ZZEF1: variants seen among roughly 807,000 people sequenced by gnomAD.
The protein encoded by ZZEF1 is zinc finger ZZ-type and EF-hand domain-containing protein 1.
In ZZEF1, 157 loss-of-function variants were observed where a neutral mutation model predicts 342.8. The observed-to-expected ratio is 0.46, with a 90% CI of 0.40 to 0.52. ZZEF1 has a LOEUF of 0.52. ZZEF1 is among the 20% of genes least tolerant of loss of function. ZZEF1 has a pLI of 0.00. For missense variants in ZZEF1, 3,480 were observed against 3,725.6 expected (o/e 0.93, Z 1.72); for synonymous variants, 1,505 against 1,429.1 (o/e 1.05, Z -1.20).
rs971649931 is a variant in ZZEF1 at position 4,017,579 on chromosome 17, T to C, written c.7793A>G (p.Lys2598Arg). ...AALLHKELNC[K>R]SKRAVRDYLF... ...GTAGTCCCGGACAGCCCTCTTACTC[T>C]TGCAGTTCAGCTCCTTGTGCAGGAG... The change falls in exon 48 of 55, where the codon AAG becomes AGG. Residue 2598 changes from lysine to arginine, a missense_variant. Physicochemically the swap from Lys to Arg is conservative, Grantham distance 26 (BLOSUM62 2). Coordinates refer to ENST00000381638, the MANE Select transcript of ZZEF1 (RefSeq NM_015113.4). The surrounding 1 kb of genome is among the most constrained non-coding windows in gnomAD (Gnocchi z 5.1). 30 of 1,614,122 alleles carry C rather than the reference T, an allele frequency of 1.9e-5. No homozygotes were observed. The highest frequency in any genetic ancestry group is 1.6e-4 in the Middle Eastern group (1 of 6,084).
intron 42 of ZZEF1, among the ~76,000 whole-genome samples, chr17:4,026,512 C>CT (rs950402170): frequency 6.8e-5 from 10 of 147,628 alleles, no homozygotes; most frequent in South Asian, 2.2e-4. Flanking sequence ...AGACAAACAT[C>CT]TTTTTTTTTT....
chr17:4,022,134 T>C (rs139149191), intron 44 of ZZEF1, among the ~76,000 whole-genome samples: 2 of 152,322 alleles, frequency 1.3e-5, no homozygotes, highest in African/African-American at 4.8e-5. Flanking sequence ...TCTGCTGGGC[T>C]GTGAATGGCC....
At chr17:4,112,097 T>TATAA (rs2058320955) in intron 5 of ZZEF1, among the ~76,000 whole-genome samples, 1 of 91,914 alleles carries the variant, frequency 1.1e-5, no homozygotes, top group Non-Finnish European at 2.3e-5. Context: ...TATATATGTT[T>TATAA]TGTTTTGTTT....
At chr17:4,095,337 T>G (rs1307324121) in intron 11 of ZZEF1, among the ~76,000 whole-genome samples, 1 of 152,194 alleles carries the variant, frequency 6.6e-6, no homozygotes, top group Non-Finnish European at 1.5e-5. Flanking sequence ...TACAGCACAT[T>G]CATAACACTG....
chr17:4,094,788 C>G (rs550420416), intron 11 of ZZEF1, among the ~76,000 whole-genome samples: 21 of 152,262 alleles, frequency 1.4e-4, no homozygotes, highest in African/African-American at 5.1e-4. Context: ...TCCTAGTGGT[C>G]TCTTGGTCCA....
rs1342945179 is a variant in ZZEF1, at chr17:4,027,026, T to C, written c.6893-1908A>G. 2.0e-5 allele frequency among the ~76,000 whole-genome samples: 3 copies of C among 152,124 alleles called. No homozygotes were observed. The East Asian group carries it at 5.8e-4, about 29-fold the overall frequency. ...CCACAAAACTAAAAAAGATCCCAGA[T>C]GGAAAACTGAATCTTTACAAAGGAA... On this transcript the variant is annotated intron_variant, in intron 42 of 54. Transcript: ENST00000381638.
chr17:4,127,009 T>A (rs79618274), intron 1 of ZZEF1, among the ~76,000 whole-genome samples: 1 of 134,032 alleles, frequency 7.5e-6, no homozygotes, highest in Non-Finnish European at 1.6e-5. Context: ...ACTGACTGGA[T>A]TTTTTTTTTT....
chr17:4,140,096 G>A (rs1324917959), intron 1 of ZZEF1, among the ~76,000 whole-genome samples: 6 of 152,204 alleles, frequency 3.9e-5, no homozygotes, highest in African/African-American at 1.4e-4. Flanking sequence ...CAAGATGGAC[G>A]AAGCCAGGTC....
intron 3 of ZZEF1, among the ~76,000 whole-genome samples, chr17:4,115,593 G>A (rs551205696): frequency 4.6e-5 from 7 of 152,174 alleles, no homozygotes; most frequent in Non-Finnish European, 8.8e-5. Flanking sequence ...AACCTGGGAG[G>A]TGAAGGTTTC....
chr17:4,078,036 G>T lies in ZZEF1; in HGVS notation c.2836C>A (p.Leu946Met). ...CCTGGGGCCCCACTGAGCATTAACA[G>T]CTCGCACTACAAGGGAGGAGACAAA... ...LVSVAARECELLMLSGAPGEV... is the reference protein window; with the variant it reads ...LVSVAARECEMLMLSGAPGEV... The change falls in exon 19 of 55, where the codon CTG becomes ATG. Residue 946 changes from leucine (L) to methionine (M), a missense_variant. This residue lies in a region of ZZEF1 where 1,528 missense variants were observed against 1,624.1 expected (regional missense o/e 0.94). Coordinates refer to ENST00000381638, the MANE Select transcript of ZZEF1 (RefSeq NM_015113.4). 2 of 1,613,552 alleles carry T rather than the reference G, an allele frequency of 1.2e-6. No individual in the cohort carries two copies. Among genetic ancestry groups the T allele is most frequent in the South Asian group, 2.2e-5 (2 of 91,050 alleles).
Position 4,106,586 on chromosome 17 carries a change from C to T in ZZEF1, c.1278-777G>A, listed in dbSNP as rs141900692. Among the ~76,000 whole-genome samples the T allele has an allele frequency of 8.8e-4, 134 of 152,042 alleles. 1 individual carries two copies. The highest frequency in any genetic ancestry group is 3.1e-3 in the African/African-American group (127 of 41,506). The stretch of plus-strand genomic sequence containing the variant: ...TCTCTTAAACAGATTAGCACATCAC[C>T]GTCTCCATTCCTGCCATGTTTCTTG... On this transcript the variant is annotated intron_variant, in intron 6 of 54. Coordinates refer to ENST00000381638, the MANE Select transcript of ZZEF1 (RefSeq NM_015113.4).
intron 42 of ZZEF1, 79 bp from the exon 43 acceptor site, chr17:4,025,197 A>AGG: frequency 7.5e-7 from 1 of 1,341,500 alleles, no homozygotes; most frequent in Non-Finnish European, 1.0e-6. Flanking sequence ...TTCTATAGTA[A>AGG]CATGCCTTAC....
intron 1 of ZZEF1, among the ~76,000 whole-genome samples, chr17:4,129,713 T>C (rs965755044): frequency 6.6e-5 from 10 of 152,042 alleles, no homozygotes; most frequent in African/African-American, 2.4e-4. Context: ...GGTAGGCACC[T>C]ATAGTCCCAG....
At chr17:4,113,437 C>G (rs889727983) in intron 4 of ZZEF1, among the ~76,000 whole-genome samples, 1 of 152,078 alleles carries the variant, frequency 6.6e-6, no homozygotes, top group African/African-American at 2.4e-5. Flanking sequence ...CGCCTGTAAT[C>G]CCAGCACTTT....
At position 4,088,856 on chromosome 17, in the gene ZZEF1, G is replaced by A; in HGVS notation, c.2063C>T (p.Ser688Leu). The change falls in exon 13 of 55, where the codon TCA becomes TTA. Residue 688 changes from serine to leucine, a missense_variant. Ser to Leu is a moderately radical substitution (Grantham distance 145, BLOSUM62 -2). Coordinates refer to ENST00000381638, the MANE Select transcript of ZZEF1 (RefSeq NM_015113.4). Reference sequence around the variant, plus strand: ...GCCTTGCACTCCCAAGCGCTCTGCTGACTCCTGACGGGTGCAGAGGAACTT... The same window carrying A: ...GCCTTGCACTCCCAAGCGCTCTGCTAACTCCTGACGGGTGCAGAGGAACTT... ...MVKFLCTRQE[S>L]AERLGVQGLT... 1 of 1,614,174 alleles carries A rather than the reference G, an allele frequency of 6.2e-7. No individual in the cohort carries two copies. The highest frequency in any genetic ancestry group is 1.1e-5 in the South Asian group (1 of 91,080).
chr17:4,076,825 A>T (rs766739826), intron 20 of ZZEF1, 43 bp downstream of exon 20: 1 of 1,612,382 alleles, frequency 6.2e-7, no homozygotes, highest in South Asian at 1.1e-5. Context: ...CAGACCCCCA[A>T]CCCCCTTCCG....
chr17:4,128,104 G>A (rs563999400), intron 1 of ZZEF1, among the ~76,000 whole-genome samples: 45 of 152,210 alleles, frequency 3.0e-4, no homozygotes, highest in African/African-American at 9.6e-4. Flanking sequence ...CCAGCACTTC[G>A]GGAGGCTGAG....
chr17:4,083,564 T>C (rs972867622), intron 16 of ZZEF1, among the ~76,000 whole-genome samples: 40 of 152,190 alleles, frequency 2.6e-4, no homozygotes, highest in African/African-American at 8.9e-4. Context: ...AGTTTTTCCT[T>C]GCGGCAGGTG....
chr17:4,053,170 T>C (rs1358153032), intron 34 of ZZEF1, among the ~76,000 whole-genome samples: 1 of 152,216 alleles, frequency 6.6e-6, no homozygotes, highest in East Asian at 1.9e-4. Flanking sequence ...ATCATGTTAT[T>C]AATAATACCT....
Sources: gnomAD v4.1 joint callset for allele counts (sites outside exome capture counted in the v4.1 genomes callset) on GRCh38, gnomAD v4.1.1 for gene constraint, gnomAD v4.1.1 regional missense constraint, Gnocchi (gnomAD v3.1) non-coding constraint, MANE v1.5 for transcripts, NCBI Gene and HGNC (gene_info 2026-07-23, HGNC 2026-07-21) for gene names.